FLI1: variants seen among roughly 807,000 people sequenced by gnomAD.
The protein encoded by FLI1 is Friend leukemia integration 1 transcription factor.
Under a neutral mutation model 53.1 loss-of-function variants are expected in FLI1, and 13 were observed. That is an observed-to-expected ratio of 0.24 (90% CI 0.16 to 0.39). FLI1 has a LOEUF of 0.39. FLI1 is among the 10% of genes least tolerant of loss of function. The pLI, the probability that FLI1 is intolerant of heterozygous loss-of-function variation, is 1.00. For missense variants in FLI1, 424 were observed against 600.5 expected, an observed-to-expected ratio of 0.71 and a Z score of 3.07; for synonymous variants, 244 against 236.7, an observed-to-expected ratio of 1.03 and a Z score of -0.28.
Position 128,686,802 on chromosome 11 carries a change from G to A in FLI1, c.-203+101G>A, listed in dbSNP as rs563968455. Reference sequence around the variant, plus strand: ...CTTTCCCCGGGAAAAAGGGGTAGGGGTGGAAGTGGGCCCTACTCTCGGCTC... The same window carrying A: ...CTTTCCCCGGGAAAAAGGGGTAGGGATGGAAGTGGGCCCTACTCTCGGCTC... On this transcript the variant is annotated intron_variant, in intron 1 of 6. Transcript: ENST00000344954. 18 of 267,838 alleles carry A rather than the reference G, an allele frequency of 6.7e-5. No individual in the cohort carries two copies. The East Asian group carries it at 1.8e-3, about 27-fold the overall frequency. The allele number at this position is 267,838 out of a possible 1,614,324, so 16.6% of individuals were successfully genotyped here.
intron 1 of FLI1, among the ~76,000 whole-genome samples, chr11:128,730,580 C>T (rs995981975): frequency 1.3e-5 from 2 of 152,178 alleles, no homozygotes; most frequent in African/African-American, 4.8e-5. Context: ...TGAAGGCTTC[C>T]CTTTGAGAAC....
At position 128,810,003 on chromosome 11, in the gene FLI1, A is replaced by G. The variant is rs560799152; in HGVS notation, c.830-456A>G. 2.0e-5 allele frequency among the ~76,000 whole-genome samples: 3 copies of G among 152,194 alleles called. No homozygotes were observed. Among genetic ancestry groups the G allele is most frequent in the East Asian group, 1.9e-4 (1 of 5,158 alleles). ...AAAGCTCATGGCGCAGCTTCTCCCA[A>G]TGACTCCCACAGTCATGCCTTGCCC... is the stretch of plus-strand genomic sequence containing the variant. On this transcript the variant is annotated intron_variant, in intron 8 of 8. Coordinates refer to ENST00000527786, the MANE Select transcript of FLI1 (RefSeq NM_002017.5). The surrounding 1 kb of genome is among the most constrained non-coding windows in gnomAD (Gnocchi z 6.6).
chr11:128,789,616 C>T (rs977007627), intron 5 of FLI1, among the ~76,000 whole-genome samples: 1 of 152,160 alleles, frequency 6.6e-6, no homozygotes, highest in Non-Finnish European at 1.5e-5. Context: ...TTGTCCCTCG[C>T]GATATGCACT....
intron 7 of FLI1, among the ~76,000 whole-genome samples, chr11:128,808,034 G>A (rs1439039216): frequency 6.6e-6 from 1 of 152,158 alleles, no homozygotes; most frequent in African/African-American, 2.4e-5. Context: ...TCCACAGAAG[G>A]CAGAGCAAGA....
chr11:128,769,723 A>C (rs1025068363), intron 3 of FLI1, among the ~76,000 whole-genome samples: 1 of 152,240 alleles, frequency 6.6e-6, no homozygotes, highest in African/African-American at 2.4e-5. Context: ...ACAAAGGAAG[A>C]GGAAGAATCA....
intron 1 of FLI1, among the ~76,000 whole-genome samples, chr11:128,727,262 G>A (rs114234810): frequency 0.021 from 3,245 of 152,312 alleles, 131 homozygotes; most frequent in African/African-American, 0.073. Context: ...AGGCTATGGT[G>A]AGAATGAAAC....
At chr11:128,744,169 T>A (rs1333303898) in intron 1 of FLI1, among the ~76,000 whole-genome samples, 1 of 152,244 alleles carries the variant, frequency 6.6e-6, no homozygotes, top group Non-Finnish European at 1.5e-5. Flanking sequence ...CTGAGCTTAC[T>A]CGTAGACAGA....
At chr11:128,798,047 G>A (rs910187584) in intron 5 of FLI1, among the ~76,000 whole-genome samples, 1 of 152,100 alleles carries the variant, frequency 6.6e-6, no homozygotes, top group East Asian at 1.9e-4. Flanking sequence ...TATGAGGGTC[G>A]GAGCAGGGCA....
upstream of FLI1, chr11:128,685,995 T>C (rs981243660): frequency 4.9e-6 from 1 of 204,890 alleles, no homozygotes; most frequent in Non-Finnish European, 1.0e-5. Flanking sequence ...GACCTGACAG[T>C]CATTGTAGCA....
intron 1 of FLI1, among the ~76,000 whole-genome samples, chr11:128,714,987 G>A (rs1314651702): frequency 2.6e-5 from 4 of 152,138 alleles, no homozygotes; most frequent in Admixed American, 6.6e-5. Flanking sequence ...GATGACAGGG[G>A]TGAGCTACCG....
chr11:128,740,195 A>G (rs928247389), intron 1 of FLI1, among the ~76,000 whole-genome samples: 2 of 152,266 alleles, frequency 1.3e-5, no homozygotes, highest in Non-Finnish European at 2.9e-5. Context: ...ACGCACAAGT[A>G]CATGGACAGA....
intron 4 of FLI1, among the ~76,000 whole-genome samples, chr11:128,773,683 T>C (rs766803614): frequency 6.6e-5 from 10 of 151,012 alleles, no homozygotes; most frequent in Non-Finnish European, 1.2e-4. Context: ...TCATTTGATA[T>C]GAAATATACA....
intron 1 of FLI1, among the ~76,000 whole-genome samples, chr11:128,742,156 A>G (rs931633730): frequency 6.6e-6 from 1 of 152,084 alleles, no homozygotes; most frequent in African/African-American, 2.4e-5. Flanking sequence ...GCATATTCCC[A>G]TAATAATCTG....
At chr11:128,797,850 C>T (rs546912704) in intron 5 of FLI1, among the ~76,000 whole-genome samples, 4 of 152,160 alleles carry the variant, frequency 2.6e-5, no homozygotes, top group South Asian at 2.1e-4. Flanking sequence ...GGGACACAAG[C>T]GTACAAAGAA....
intron 2 of FLI1, chr11:128,764,715 GC>G (rs1187415030): frequency 6.3e-5 from 98 of 1,557,296 alleles, no homozygotes; most frequent in Non-Finnish European, 7.9e-5. Flanking sequence ...ACCCTGAGCG[GC>G]AGCCGTGGAG....
intron 1 of FLI1, among the ~76,000 whole-genome samples, chr11:128,707,949 T>C (rs943897046): frequency 2.6e-5 from 4 of 152,216 alleles, no homozygotes; most frequent in African/African-American, 9.7e-5. Flanking sequence ...CTCTCCTAAA[T>C]GTCCATAGAA....
At chr11:128,736,490 CTT>C (rs766625888) in intron 1 of FLI1, among the ~76,000 whole-genome samples, 3 of 152,154 alleles carry the variant, frequency 2.0e-5, no homozygotes, top group Non-Finnish European at 4.4e-5. Context: ...ACTTGAGCAA[CTT>C]TGGTTGAGAA....
chr11:128,774,031 A>G (rs2135846905), intron 4 of FLI1, among the ~76,000 whole-genome samples: 1 of 152,032 alleles, frequency 6.6e-6, no homozygotes, highest in Admixed American at 6.5e-5. Flanking sequence ...TTAGACAGCA[A>G]CTCTGGGACC....
At chr11:128,758,482 G>A (rs1427521888) in intron 2 of FLI1, among the ~76,000 whole-genome samples, 156 bp downstream of exon 2, 1 of 152,180 alleles carries the variant, frequency 6.6e-6, no homozygotes, top group African/African-American at 2.4e-5. Context: ...GGCAGAGAGG[G>A]CCACAGACTG....
Sources: allele counts gnomAD v4.1 joint callset (sites outside exome capture counted in the v4.1 genomes callset), GRCh38; gene constraint gnomAD v4.1.1; non-coding constraint Gnocchi (gnomAD v3.1); transcripts MANE v1.5; gene names NCBI Gene and HGNC (gene_info 2026-07-23, HGNC 2026-07-21).